Variants in RET observed in about 807,000 individuals in gnomAD.
RET encodes the protein proto-oncogene tyrosine-protein kinase receptor Ret.
Under a neutral mutation model 118.3 loss-of-function variants are expected in RET, and 19 were observed. The observed-to-expected ratio is 0.16, with a 90% confidence interval of 0.11 to 0.24. RET has a LOEUF of 0.24. Ranked by LOEUF, RET falls within the 10% of genes least tolerant of loss-of-function variation. The probability of loss-of-function intolerance (pLI) is 1.00; values close to 1 mark genes in which losing one functional copy is unlikely to be tolerated. For synonymous variants in RET, 597 were observed against 644.1 expected (o/e 0.93, Z 1.11); for missense variants, 1,219 against 1,502.1 (o/e 0.81, Z 3.12).
chr10:43,119,986 G>A (rs1838172957), intron 14 of RET, 95 bp from the exon 15 acceptor site: 1 of 1,568,882 alleles, frequency 6.4e-7, no homozygotes, highest in Non-Finnish European at 8.7e-7. Context: ...CGCTACCCGG[G>A]CCACACACCA....
intron 19 of RET, chr10:43,126,950 C>CAGCAACTT: frequency 7.0e-7 from 1 of 1,421,550 alleles, no homozygotes; most frequent in East Asian, 2.6e-5. Flanking sequence ...CCACATTGCC[C>CAGCAACTT]AGCAACTTAG....
intron 7 of RET, 43 bp downstream of exon 7, chr10:43,111,508 C>T (rs2132779404): frequency 6.3e-7 from 1 of 1,586,992 alleles, no homozygotes; most frequent in East Asian, 2.3e-5. Flanking sequence ...GTCCTGGGGG[C>T]TTCTGGAGCC....
At chr10:43,115,595 C>T (rs1838054055) in intron 11 of RET, among the ~76,000 whole-genome samples, 1 of 152,244 alleles carries the variant, frequency 6.6e-6, no homozygotes, top group Non-Finnish European at 1.5e-5. Context: ...CAGAGTCCTT[C>T]ATAAACCCAG....
intron 6 of RET, among the ~76,000 whole-genome samples, chr10:43,110,646 A>C (rs1459540641): frequency 1.3e-5 from 2 of 152,166 alleles, no homozygotes; most frequent in Non-Finnish European, 1.5e-5. Flanking sequence ...CTCTGCTCAA[A>C]GTCCCAGGGA....
At chr10:43,098,000 T>C (rs1486949772) in intron 1 of RET, among the ~76,000 whole-genome samples, 2 of 152,216 alleles carry the variant, frequency 1.3e-5, no homozygotes, top group African/African-American at 4.8e-5. Flanking sequence ...CTAGAGTCTA[T>C]TTGCAGGTTC....
intron 8 of RET, 151 bp from the exon 9 acceptor site, chr10:43,112,702 G>A (rs3026755): frequency 2.8e-6 from 2 of 703,846 alleles, no homozygotes; most frequent in Non-Finnish European, 5.1e-6. Flanking sequence ...GGCTCCCCAG[G>A]ATGCTTCCGC....
rs550332654 is a variant in RET at position 43,098,060 on chromosome 10, T to G, written c.74-2399T>G. The stretch of plus-strand genomic sequence containing the variant: ...CCTATTTATCCATCTTTTTAAAAAT[T>G]CATACGATTTTTTATTGTGGAAAAA... On this transcript the variant is annotated intron_variant, in intron 1 of 19. Coordinates refer to ENST00000355710, the MANE Select transcript of RET (RefSeq NM_020975.6). Among the ~76,000 whole-genome samples, 32 of 152,348 alleles carry G rather than the reference T, an allele frequency of 2.1e-4. No individual in the cohort carries two copies. In the South Asian group the frequency reaches 2.9e-3, roughly 14 times the overall value.
At chr10:43,100,865 G>T in intron 2 of RET, 143 bp downstream of exon 2, 1 of 910,036 alleles carries the variant, frequency 1.1e-6, no homozygotes. Flanking sequence ...AAGTGAGGCT[G>T]GCCTGCCTCT....
intron 19 of RET, chr10:43,127,053 A>G: frequency 8.0e-7 from 1 of 1,257,302 alleles, no homozygotes; most frequent in Non-Finnish European, 1.0e-6. Flanking sequence ...ATCAAGTCAT[A>G]GTACTTCTAC....
At chr10:43,091,536 C>A (rs1837409725) in intron 1 of RET, among the ~76,000 whole-genome samples, 1 of 151,216 alleles carries the variant, frequency 6.6e-6, no homozygotes, top group South Asian at 2.1e-4. Context: ...GAGGCTGAGG[C>A]AGGAGAATCG....
rs1394052248 is a variant in RET, at chr10:43,116,837, T to C, written c.2284+106T>C. The C allele has an allele frequency of 2.8e-6, 4 of 1,410,948 alleles. No homozygotes were observed. The African/African-American group carries it at 5.8e-5, about 20-fold the overall frequency. The allele number at this position is 1,410,948 out of a possible 1,614,324, so 87.4% of individuals were successfully genotyped here. A position where few individuals can be genotyped will look rare whatever the true frequency, so the allele number is the denominator to read the frequency against. On this transcript the variant is annotated intron_variant, in intron 12 of 19. Transcript: ENST00000355710. ...GGACCCTGAAGAGCCCCCAATGCTGTTCTAGAGCGGCTGCAGTTGGGGGAC... is the reference window on the plus strand; with the variant it reads ...GGACCCTGAAGAGCCCCCAATGCTGCTCTAGAGCGGCTGCAGTTGGGGGAC...
rs370622218 is a variant in RET, at chr10:43,100,562, C to G, written c.177C>G (p.Ala59=). 6.2e-7 allele frequency: 1 copy of G among 1,613,902 alleles called. No individual in the cohort carries two copies. The highest frequency in any genetic ancestry group is 8.5e-7 in the Non-Finnish European group (1 of 1,180,026). The change falls in exon 2 of 20, where the codon GCC becomes GCG. Residue 59 remains alanine (A), a synonymous_variant. Transcript: ENST00000355710. ...PLLYVHALRD[A]PEEVPSFRLG... Reference sequence around the variant, plus strand: ...TGTACGTCCATGCCCTGCGGGACGCCCCTGAGGAGGTGCCCAGCTTCCGCC... The same window carrying G: ...TGTACGTCCATGCCCTGCGGGACGCGCCTGAGGAGGTGCCCAGCTTCCGCC...
intron 1 of RET, among the ~76,000 whole-genome samples, chr10:43,089,904 A>T (rs902962322): frequency 1.3e-5 from 2 of 152,224 alleles, no homozygotes; most frequent in African/African-American, 2.4e-5. Flanking sequence ...CAAGGTCAGG[A>T]CTTGGGGCAG....
At chr10:43,083,156 T>G (rs1837221205) in intron 1 of RET, among the ~76,000 whole-genome samples, 1 of 152,142 alleles carries the variant, frequency 6.6e-6, no homozygotes. Flanking sequence ...TGCTCTGCCA[T>G]CGTAAGGGGC....
intron 16 of RET, among the ~76,000 whole-genome samples, chr10:43,123,091 C>CTTTTTATTGCCCT (rs1338625062): frequency 6.6e-6 from 1 of 152,212 alleles, no homozygotes; most frequent in Non-Finnish European, 1.5e-5. Context: ...CCGTGGTGTG[C>CTTTTTATTGCCCT]ACATGTATGC....
At chr10:43,118,287 C>A (rs749377866) in intron 12 of RET, 86 bp from the exon 13 acceptor site, 4 of 1,032,684 alleles carry the variant, frequency 3.9e-6, no homozygotes, top group African/African-American at 3.2e-5. Context: ...TTGGGCAAGG[C>A]GATGCAGGTC....
chr10:43,129,829 G>A lies in RET; in HGVS notation c.*1560G>A, dbSNP rs953521182. 28 of 391,602 alleles carry A rather than the reference G, an allele frequency of 7.2e-5. No homozygotes were observed. Among genetic ancestry groups the A allele is most frequent in the African/African-American group, 5.2e-4 (25 of 48,526 alleles). The allele number at this position is 391,602 out of a possible 1,614,324, so 24.3% of individuals were successfully genotyped here. ...AGTTTGAAAAATGCTTATTGGACACGTAACCTGGCTCTAATTTGGGCTGTT... is the reference window on the plus strand; with the variant it reads ...AGTTTGAAAAATGCTTATTGGACACATAACCTGGCTCTAATTTGGGCTGTT... On this transcript the variant is annotated 3_prime_UTR_variant, in exon 20 of 20. Coordinates refer to ENST00000355710, the MANE Select transcript of RET (RefSeq NM_020975.6).
chr10:43,088,871 C>G (rs549153297), intron 1 of RET, among the ~76,000 whole-genome samples: 1 of 152,188 alleles, frequency 6.6e-6, no homozygotes, highest in African/African-American at 2.4e-5. Context: ...CATTCACCTC[C>G]GGCCCTGTGC....
At chr10:43,081,616 G>A (rs1837185085) in intron 1 of RET, among the ~76,000 whole-genome samples, 1 of 152,182 alleles carries the variant, frequency 6.6e-6, no homozygotes, top group Non-Finnish European at 1.5e-5. Flanking sequence ...GCCGTCTTCT[G>A]TGCCCCATGG....
Sources: gnomAD v4.1 joint callset for allele counts (sites outside exome capture counted in the v4.1 genomes callset) on GRCh38, gnomAD v4.1.1 for gene constraint, MANE v1.5 for transcripts, NCBI Gene and HGNC (gene_info 2026-07-23, HGNC 2026-07-21) for gene names.